Variants in BPIFB6 observed in about 807,000 individuals in gnomAD.
The protein encoded by BPIFB6 is BPI fold containing family B member 6.
BPIFB6 carries 47 observed loss-of-function variants against 54.7 expected under a neutral mutation model. The ratio of observed to expected loss-of-function variants is 0.86; its 90% CI spans 0.68 to 1.10. The LOEUF (loss-of-function observed/expected upper bound fraction) is 1.10. Among genes scored for constraint, BPIFB6 ranks in the 50% least tolerant of loss-of-function variants. The probability of loss-of-function intolerance (pLI) is 0.00; values close to 1 mark genes in which losing one functional copy is unlikely to be tolerated. For missense variants in BPIFB6, 603 were observed against 564.1 expected, an observed-to-expected ratio of 1.07 and a Z score of -0.70; for synonymous variants, 255 against 225.9, an observed-to-expected ratio of 1.13 and a Z score of -1.16.
At chr20:33,043,422 G>A in intron 14 of BPIFB6, 55 bp downstream of exon 14, 3 of 1,510,640 alleles carry the variant, frequency 2.0e-6, no homozygotes, top group South Asian at 1.1e-5. Flanking sequence ...GCCAGTGAGT[G>A]ATGAGCAAGA....
rs761361497 is a variant in BPIFB6 at position 33,034,945 on chromosome 20, G to C, written c.452+33G>C. ...GCTCTGTGGCTGGGGAGGAAGGCCGGTCCATATTGCTATACCCCCCAGCAT... is the reference window on the plus strand; with the variant it reads ...GCTCTGTGGCTGGGGAGGAAGGCCGCTCCATATTGCTATACCCCCCAGCAT... On this transcript the variant is annotated intron_variant, in intron 4 of 14. Transcript: ENST00000349552. The C allele has an allele frequency of 8.7e-6, 14 of 1,605,138 alleles. No individual in the cohort carries two copies. In the Admixed American group the frequency reaches 2.2e-4, roughly 25 times the overall value.
intron 12 of BPIFB6, 64 bp downstream of exon 12, chr20:33,042,079 G>T (rs2146369039): frequency 6.6e-7 from 1 of 1,524,374 alleles, no homozygotes; most frequent in Non-Finnish European, 9.1e-7. Context: ...TTCTCCCTCG[G>T]AACTACAGGG....
intron 5 of BPIFB6, among the ~76,000 whole-genome samples, 178 bp from the exon 6 acceptor site, chr20:33,035,434 A>G (rs1979294816): frequency 6.6e-6 from 1 of 152,184 alleles, no homozygotes. Context: ...GATTTGGTCA[A>G]CAGATCTGGA....
intron 1 of BPIFB6, 79 bp from the exon 2 acceptor site, chr20:33,032,905 C>T: frequency 8.8e-7 from 1 of 1,138,992 alleles, no homozygotes; most frequent in Non-Finnish European, 1.3e-6. Flanking sequence ...CAGGGTGGGG[C>T]ACAGTGACGG....
downstream of BPIFB6, chr20:33,044,069 A>T (rs767529053): frequency 5.0e-6 from 8 of 1,613,960 alleles, no homozygotes; most frequent in Admixed American, 1.7e-5. Flanking sequence ...CTCCCCTGCC[A>T]GCTGCCTGCT....
chr20:33,039,441 TGCACCTCCACA>T lies in BPIFB6; in HGVS notation c.1001_1011del (p.Leu334ProfsTer33), dbSNP rs1979482868. Reference sequence around the variant, plus strand: ...ACTATGAAGACAGGCAAGAGCCTGCTGCACCTCCACAGCACCCTGGAGATGTTCGCAGCTCG... The same window carrying T: ...ACTATGAAGACAGGCAAGAGCCTGCTGCACCCTGGAGATGTTCGCAGCTCG... On this transcript the variant is annotated frameshift_variant, in exon 10 of 15. Coordinates refer to ENST00000349552, the MANE Select transcript of BPIFB6 (RefSeq NM_174897.2). LOFTEE classifies it high-confidence loss of function. The T allele has an allele frequency of 6.2e-7, 1 of 1,614,124 alleles. No homozygotes were observed. Among genetic ancestry groups the T allele is most frequent in the South Asian group, 1.1e-5 (1 of 91,090 alleles).
chr20:33,032,345 C>T (rs1043233299), intron 1 of BPIFB6, among the ~76,000 whole-genome samples: 4 of 152,098 alleles, frequency 2.6e-5, no homozygotes, highest in African/African-American at 4.8e-5. Context: ...AGCTTGTGAC[C>T]ATAATGGAGG....
At position 33,042,811 on chromosome 20, in the gene BPIFB6, C is replaced by A; in HGVS notation, c.1189-4C>A. ...TGTGGATGCTTTCTCTTTCTTCTTT[C>A]CAGGAGAGGGAATTAACTGGCTTCA... On this transcript the variant is annotated splice_region_variant and splice_polypyrimidine_tract_variant and intron_variant, in intron 12 of 14. Transcript: ENST00000349552. 6.2e-7 allele frequency: 1 copy of A among 1,613,626 alleles called. No homozygotes were observed. The highest frequency in any genetic ancestry group is 1.1e-5 in the South Asian group (1 of 91,052).
chr20:33,032,990 A>G lies in BPIFB6; in HGVS notation c.104A>G (p.Gln35Arg). Residue 35 changes from glutamine (Q) to arginine (R), a missense_variant, in exon 2 of 15, where the codon CAG becomes CGG. Gln to Arg is a conservative substitution (Grantham distance 43). Coordinates refer to ENST00000349552, the MANE Select transcript of BPIFB6 (RefSeq NM_174897.2). Reference protein sequence around the residue: ...RLGMDIMNQVQSAMDESHILE... With the variant: ...RLGMDIMNQVRSAMDESHILE... ...CTAAGTGTCTCCACTCCAGAGGTCC[A>G]GAGCGCCATGGATGAGAGTCATATC... 1 of 1,613,706 alleles carries G rather than the reference A, an allele frequency of 6.2e-7. No homozygotes were observed. Among genetic ancestry groups the G allele is most frequent in the Non-Finnish European group, 8.5e-7 (1 of 1,179,646 alleles).
Position 33,033,086 on chromosome 20 carries a change from G to C in BPIFB6, c.197+3G>C. The C allele has an allele frequency of 6.2e-7, 1 of 1,610,544 alleles. No homozygotes were observed. Among genetic ancestry groups the C allele is most frequent in the Non-Finnish European group, 8.5e-7 (1 of 1,176,804 alleles). On this transcript the variant is annotated splice_donor_region_variant and intron_variant, in intron 2 of 14. Coordinates refer to ENST00000349552, the MANE Select transcript of BPIFB6 (RefSeq NM_174897.2). ...AAACCTATCAAGGGCATCACCAAGT[G>C]AGTAGGGGAGGGGAGCTGGAGGGTG... is the stretch of plus-strand genomic sequence containing the variant.
intron 7 of BPIFB6, 46 bp downstream of exon 7, chr20:33,036,582 GT>G (rs1979353018): frequency 1.3e-6 from 2 of 1,514,530 alleles, no homozygotes; most frequent in Non-Finnish European, 1.8e-6. Context: ...AGGCTCACTG[GT>G]CTGGGTAGTG....
intron 11 of BPIFB6, among the ~76,000 whole-genome samples, chr20:33,040,593 C>T (rs746746666): frequency 8.5e-5 from 13 of 152,228 alleles, no homozygotes; most frequent in Non-Finnish European, 1.0e-4. Context: ...TGGTCATGGG[C>T]CCATGCCCCC....
chr20:33,041,452 T>TATAA (rs1979581494), intron 11 of BPIFB6, among the ~76,000 whole-genome samples: 1 of 152,198 alleles, frequency 6.6e-6, no homozygotes. Context: ...ACTTTGGGTT[T>TATAA]AGCCCATCTG....
intron 11 of BPIFB6, 35 bp from the exon 12 acceptor site, chr20:33,041,935 C>G (rs569560719): frequency 6.2e-7 from 1 of 1,610,162 alleles, no homozygotes; most frequent in African/African-American, 1.3e-5. Flanking sequence ...GTTCTTTCCC[C>G]TCCCCGCCTG....
In BPIFB6 at chr20:33,035,620, C is replaced by T. The variant is rs770549260; in HGVS notation, c.525C>T (p.Pro175=). 3.2e-5 allele frequency: 52 copies of T among 1,614,016 alleles called. No homozygotes were observed. The Middle Eastern group carries it at 9.9e-4, about 31-fold the overall frequency. The change falls in exon 6 of 15, where the codon CCC becomes CCT. Residue 175 remains proline, a synonymous_variant. Coordinates refer to ENST00000349552, the MANE Select transcript of BPIFB6 (RefSeq NM_174897.2). ...LHKVLPGLMC[P]AIDAVLVYVN... ...GCCTTCTCTGCTTCCAGATGTGTCC[C>T]GCCATCGATGCAGTCCTGGTGTATG... is the stretch of plus-strand genomic sequence containing the variant.
chr20:33,041,921 G>T (rs1979603625), intron 11 of BPIFB6, 49 bp from the exon 12 acceptor site: 2 of 1,584,680 alleles, frequency 1.3e-6, no homozygotes, highest in Admixed American at 3.3e-5. Context: ...CACTGGCTCT[G>T]ACCGTTCTTT....
At chr20:33,043,408 G>C in intron 14 of BPIFB6, 41 bp downstream of exon 14, 2 of 1,565,030 alleles carry the variant, frequency 1.3e-6, no homozygotes, top group Non-Finnish European at 1.8e-6. Context: ...AATCAACACT[G>C]TCAGCCAGTG....
At chr20:33,043,932 C>A in intron 14 of BPIFB6, 83 bp from the exon 15 acceptor site, 1 of 1,546,092 alleles carries the variant, frequency 6.5e-7, no homozygotes, top group Non-Finnish European at 8.9e-7. Flanking sequence ...TTTCCATTTC[C>A]TGACAAGGGG....
Position 33,042,823 on chromosome 20 carries a change from A to G in BPIFB6, c.1197A>G (p.Glu399=). ...SSSIGNFNER[E]LTGFITSYLE... is the part of the protein sequence containing the mutation. The stretch of plus-strand genomic sequence containing the variant: ...CTCTTTCTTCTTTCCAGGAGAGGGA[A>G]TTAACTGGCTTCATCACCAGCTATC... Residue 399 remains glutamate, a synonymous_variant, in exon 13 of 15, where the codon GAA becomes GAG. Coordinates refer to ENST00000349552, the MANE Select transcript of BPIFB6 (RefSeq NM_174897.2). 1 of 1,614,018 alleles carries G rather than the reference A, an allele frequency of 6.2e-7. No homozygotes were observed. Among genetic ancestry groups the G allele is most frequent in the East Asian group, 2.2e-5 (1 of 44,884 alleles).
Sources: allele counts gnomAD v4.1 joint callset (sites outside exome capture counted in the v4.1 genomes callset), GRCh38; gene constraint gnomAD v4.1.1; transcripts MANE v1.5; gene names NCBI Gene and HGNC (gene_info 2026-07-23, HGNC 2026-07-21).